Variants in PTPRN2 observed in about 807,000 individuals in gnomAD.
PTPRN2 encodes protein tyrosine phosphatase receptor type N2.
PTPRN2 carries 74 observed loss-of-function variants against 118.8 expected under a neutral mutation model. The ratio of observed to expected loss-of-function variants is 0.62; its 90% confidence interval spans 0.52 to 0.76. The LOEUF is 0.76. PTPRN2 is among the 30% of genes least tolerant of loss of function. PTPRN2 has a pLI of 0.00. For missense variants in PTPRN2, 1,481 were observed against 1,394.4 expected (o/e 1.06, Z -0.99); for synonymous variants, 641 against 608.0 (o/e 1.05, Z -0.80).
Position 157,632,775 on chromosome 7 carries a change from G to A in PTPRN2, c.2197-11266C>T, listed in dbSNP as rs973581235. ...CTTATTTAACATCTTAAAAATTAAG[G>A]TTATGTGAACATAGGTAAAATACAG... On this transcript the variant is annotated intron_variant, in intron 14 of 22. Transcript: ENST00000389418. This position sits in a 1 kb window ranked among gnomAD's most constrained non-coding sequence, Gnocchi z 4.3. 6.6e-6 allele frequency among the ~76,000 whole-genome samples: 1 copy of A among 152,150 alleles called. No homozygotes were observed. The highest frequency in any genetic ancestry group is 2.4e-5 in the African/African-American group (1 of 41,416).
chr7:158,005,827 A>G (rs151286306), intron 11 of PTPRN2, among the ~76,000 whole-genome samples: 1 of 152,344 alleles, frequency 6.6e-6, no homozygotes, highest in Non-Finnish European at 1.5e-5. Flanking sequence ...TGCTGTTAGT[A>G]TTCAGTACAC....
intron 11 of PTPRN2, among the ~76,000 whole-genome samples, chr7:158,040,040 T>C (rs1704612722): frequency 7.2e-6 from 1 of 138,032 alleles, no homozygotes; most frequent in South Asian, 2.2e-4. Context: ...GATCTATCAA[T>C]AAAAACTCCC....
intron 20 of PTPRN2, 134 bp from the exon 21 acceptor site, chr7:157,569,100 G>C: frequency 2.3e-6 from 2 of 874,144 alleles, no homozygotes; most frequent in Non-Finnish European, 3.7e-6. Flanking sequence ...TGTGAGAGGG[G>C]GAGGAAGGAC....
In PTPRN2 at chr7:157,622,501, G is replaced by A. The variant is rs1803317376; in HGVS notation, c.2197-992C>T. Among the ~76,000 whole-genome samples, 1 of 152,118 alleles carries A rather than the reference G, an allele frequency of 6.6e-6. No individual in the cohort carries two copies. Among genetic ancestry groups the A allele is most frequent in the Non-Finnish European group, 1.5e-5 (1 of 68,034 alleles). ...CTGCCCACTGGGGCCCGTTCCAGGAGACAGGTAGAGAAAGAGACACAGAGG... is the reference window on the plus strand; with the variant it reads ...CTGCCCACTGGGGCCCGTTCCAGGAAACAGGTAGAGAAAGAGACACAGAGG... On this transcript the variant is annotated intron_variant, in intron 14 of 22. Transcript: ENST00000389418. This position sits in a 1 kb window ranked among gnomAD's most constrained non-coding sequence, Gnocchi z 5.3.
intron 12 of PTPRN2, among the ~76,000 whole-genome samples, chr7:157,877,227 G>A (rs763760090): frequency 6.7e-6 from 1 of 148,702 alleles, no homozygotes; most frequent in African/African-American, 2.5e-5. Context: ...GGGTTTTCTC[G>A]GGGACCCCGG....
intron 12 of PTPRN2, among the ~76,000 whole-genome samples, chr7:157,791,086 T>G (rs1482428435): frequency 6.6e-6 from 1 of 152,204 alleles, no homozygotes; most frequent in Non-Finnish European, 1.5e-5. Flanking sequence ...ATCTAATTGA[T>G]AAGAATTATA....
At chr7:157,732,032 T>C (rs73163902) in intron 12 of PTPRN2, among the ~76,000 whole-genome samples, 576 of 68,058 alleles carry the variant, frequency 8.5e-3, no homozygotes, top group Non-Finnish European at 0.015. Flanking sequence ...GTTACCCTTT[T>C]CCGCCCCATG....
At chr7:158,424,215 C>T (rs944216737) in intron 2 of PTPRN2, among the ~76,000 whole-genome samples, 1 of 152,148 alleles carries the variant, frequency 6.6e-6, no homozygotes, top group Non-Finnish European at 1.5e-5. Context: ...GCACCTGGCA[C>T]CATCCCGTTC....
At chr7:157,789,187 C>T (rs1315669824) in intron 12 of PTPRN2, among the ~76,000 whole-genome samples, 1 of 152,226 alleles carries the variant, frequency 6.6e-6, no homozygotes, top group Non-Finnish European at 1.5e-5. Flanking sequence ...AAGTCAGATG[C>T]TTCCGGGATG....
At chr7:157,657,809 A>G (rs1795654123) in intron 13 of PTPRN2, among the ~76,000 whole-genome samples, 1 of 136,126 alleles carries the variant, frequency 7.3e-6, no homozygotes. Flanking sequence ...CACACACCAC[A>G]CACATCACAC....
chr7:157,767,226 C>G (rs1021349449), intron 12 of PTPRN2, among the ~76,000 whole-genome samples: 3 of 152,194 alleles, frequency 2.0e-5, no homozygotes, highest in African/African-American at 7.2e-5. Flanking sequence ...CACTCCACGT[C>G]CATCATCCAT....
At chr7:158,389,857 C>T (rs1161692066) in intron 2 of PTPRN2, among the ~76,000 whole-genome samples, 1 of 152,230 alleles carries the variant, frequency 6.6e-6, no homozygotes, top group Non-Finnish European at 1.5e-5. Flanking sequence ...AGGTGAGAGC[C>T]TCAGCAAAGG....
Position 158,071,831 on chromosome 7 carries a change from G to A in PTPRN2, c.1723+9467C>T, listed in dbSNP as rs1374310013. On this transcript the variant is annotated intron_variant, in intron 11 of 22. Coordinates refer to ENST00000389418, the MANE Select transcript of PTPRN2 (RefSeq NM_002847.5). Reference sequence around the variant, plus strand: ...AGGTGCTCGTCGTATGGAGGTGCCCGTGGTGGAGGTGCTCGTGGTGGTGGA... The same window carrying A: ...AGGTGCTCGTCGTATGGAGGTGCCCATGGTGGAGGTGCTCGTGGTGGTGGA... Among the ~76,000 whole-genome samples, 18 of 59,896 alleles carry A rather than the reference G, an allele frequency of 3.0e-4. 1 individual carries two copies. Among genetic ancestry groups the A allele is most frequent in the African/African-American group, 3.5e-4 (4 of 11,284 alleles). 39.3% of individuals were successfully genotyped at this position (59,896 alleles called of 152,430 possible). A position where few individuals can be genotyped will look rare whatever the true frequency, so the allele number is the denominator to read the frequency against.
chr7:158,330,247 T>A (rs62480870), intron 2 of PTPRN2, among the ~76,000 whole-genome samples: 1 of 87,870 alleles, frequency 1.1e-5, no homozygotes, highest in Non-Finnish European at 2.6e-5. Context: ...ACACCCACAC[T>A]CTCACCATAA....
chr7:157,826,689 C>G (rs970674952), intron 12 of PTPRN2, among the ~76,000 whole-genome samples: 2 of 152,172 alleles, frequency 1.3e-5, no homozygotes, highest in Non-Finnish European at 2.9e-5. Context: ...GGTGAGGGCC[C>G]TGGTAATCTC....
chr7:157,562,284 G>A (rs947370821), intron 21 of PTPRN2, among the ~76,000 whole-genome samples: 5 of 152,136 alleles, frequency 3.3e-5, no homozygotes, highest in South Asian at 4.1e-4. Context: ...AAAATGGAGC[G>A]GGGAGACCAG....
At chr7:158,387,158 A>C (rs1211801958) in intron 2 of PTPRN2, among the ~76,000 whole-genome samples, 2 of 152,224 alleles carry the variant, frequency 1.3e-5, no homozygotes, top group Non-Finnish European at 2.9e-5. Flanking sequence ...TCCTGCCCTA[A>C]GTGGCCTCAG....
intron 11 of PTPRN2, among the ~76,000 whole-genome samples, chr7:157,947,048 A>G (rs1194097851): frequency 6.6e-6 from 1 of 152,158 alleles, no homozygotes; most frequent in Non-Finnish European, 1.5e-5. Context: ...GCTCAGACAG[A>G]CCAAGGCAGG....
At chr7:158,531,428 C>T (rs1199487417) in intron 1 of PTPRN2, among the ~76,000 whole-genome samples, 15 of 152,198 alleles carry the variant, frequency 9.9e-5, no homozygotes, top group Admixed American at 7.2e-4. Context: ...TCCAGGCCTG[C>T]GAGCCCAGGG....
Sources: gnomAD v4.1 joint callset for allele counts (sites outside exome capture counted in the v4.1 genomes callset) on GRCh38, gnomAD v4.1.1 for gene constraint, Gnocchi (gnomAD v3.1) non-coding constraint, MANE v1.5 for transcripts, NCBI Gene and HGNC (gene_info 2026-07-23, HGNC 2026-07-21) for gene names.